Variants in UBXN2A observed in about 807,000 individuals in gnomAD.
UBXN2A encodes the protein UBX domain-containing protein 2A.
In UBXN2A, 28 loss-of-function variants were observed where a neutral mutation model predicts 28.4. The observed-to-expected ratio is 0.99, with a 90% CI of 0.73 to 1.35. The LOEUF (loss-of-function observed/expected upper bound fraction) is 1.35, where lower values mean the gene tolerates loss of function less well. Among genes scored for constraint, UBXN2A ranks in the 40% most tolerant of loss-of-function variants. The pLI is 0.00. For missense variants in UBXN2A, 253 were observed against 297.9 expected, an observed-to-expected ratio of 0.85 and a Z score of 1.11; for synonymous variants, 97 against 103.6, an observed-to-expected ratio of 0.94 and a Z score of 0.39.
At chr2:23,984,303 G>C (rs1708035199) in intron 5 of UBXN2A, among the ~76,000 whole-genome samples, 1 of 152,124 alleles carries the variant, frequency 6.6e-6, no homozygotes, top group East Asian at 1.9e-4. Context: ...ATAACCTAAG[G>C]ACTAAGCTCA....
upstream of UBXN2A, among the ~76,000 whole-genome samples, chr2:23,936,055 T>C (rs1277597461): frequency 1.3e-5 from 2 of 151,702 alleles, no homozygotes; most frequent in East Asian, 3.9e-4. Flanking sequence ...GTCTCAAAAA[T>C]AAATAAATTA....
chr2:23,967,829 A>G (rs750319398), intron 2 of UBXN2A, among the ~76,000 whole-genome samples: 3 of 152,186 alleles, frequency 2.0e-5, no homozygotes, highest in Non-Finnish European at 4.4e-5. Context: ...GAGTATTTTA[A>G]GAGTATATAC....
intron 1 of UBXN2A, among the ~76,000 whole-genome samples, chr2:23,930,722 A>C (rs1489875058): frequency 6.6e-6 from 1 of 152,218 alleles, no homozygotes; most frequent in East Asian, 1.9e-4. Context: ...AATTTTAAAA[A>C]AGAGAAAGAA....
chr2:23,998,823 G>GGGAT (rs1708640596), intron 6 of UBXN2A, among the ~76,000 whole-genome samples: 1 of 151,968 alleles, frequency 6.6e-6, no homozygotes, highest in Non-Finnish European at 1.5e-5. Context: ...TTCGTCTCCC[G>GGGAT]CGATCAACCT....
At chr2:23,948,881 C>T (rs1706222866) in intron 1 of UBXN2A, among the ~76,000 whole-genome samples, 1 of 150,852 alleles carries the variant, frequency 6.6e-6, no homozygotes, top group Admixed American at 6.6e-5. Flanking sequence ...TTGTAATTTC[C>T]TAGAGAACAA....
chr2:23,982,550 C>A (rs1194259159), intron 4 of UBXN2A, among the ~76,000 whole-genome samples: 1 of 151,918 alleles, frequency 6.6e-6, no homozygotes, highest in African/African-American at 2.4e-5. Context: ...AATCCCAGCA[C>A]TTTGGGAGTC....
At chr2:23,976,923 C>T (rs770380483) in intron 3 of UBXN2A, 46 bp from the exon 4 acceptor site, 3 of 1,508,520 alleles carry the variant, frequency 2.0e-6, no homozygotes, top group East Asian at 4.6e-5. Context: ...TTCAATCCTA[C>T]TACATTTTAT....
chr2:23,989,916 A>G (rs535199548), intron 6 of UBXN2A, among the ~76,000 whole-genome samples: 14 of 152,236 alleles, frequency 9.2e-5, no homozygotes, highest in African/African-American at 2.9e-4. Flanking sequence ...AAAAATATCT[A>G]TATAAGGATT....
At chr2:23,953,733 A>G (rs756655452) in intron 1 of UBXN2A, among the ~76,000 whole-genome samples, 6 of 152,178 alleles carry the variant, frequency 3.9e-5, no homozygotes, top group Non-Finnish European at 8.8e-5. Flanking sequence ...CATTTTTCCT[A>G]AAGAATTTCC....
At position 23,977,095 on chromosome 2, in the gene UBXN2A, A is replaced by G. The variant is rs1707699584; in HGVS notation, c.287+20A>G. 4 of 1,596,890 alleles carry G rather than the reference A, an allele frequency of 2.5e-6. No individual in the cohort carries two copies. The East Asian group carries it at 9.0e-5, about 36-fold the overall frequency. ...AAAGGGGTGAGTAGCCAGGTGTGGT[A>G]GGTCAAGCCTGTAAACCCAAAACTT... On this transcript the variant is annotated intron_variant, in intron 4 of 6. Coordinates refer to ENST00000309033, the MANE Select transcript of UBXN2A (RefSeq NM_181713.4).
intron 1 of UBXN2A, among the ~76,000 whole-genome samples, chr2:23,931,273 C>A (rs961978099): frequency 5.9e-5 from 9 of 152,098 alleles, no homozygotes; most frequent in African/African-American, 2.2e-4. Flanking sequence ...ATGACGAAAC[C>A]CCATCTCTAC....
At chr2:23,940,166 G>T (rs1705674965), upstream of UBXN2A, among the ~76,000 whole-genome samples, 1 of 151,722 alleles carries the variant, frequency 6.6e-6, no homozygotes, top group Admixed American at 6.6e-5. Flanking sequence ...TTGTCCACAG[G>T]GCTCAGGTCA....
At chr2:23,950,703 C>CTATTT (rs1706320485) in intron 1 of UBXN2A, among the ~76,000 whole-genome samples, 1 of 151,174 alleles carries the variant, frequency 6.6e-6, no homozygotes, top group African/African-American at 2.4e-5. Flanking sequence ...TGCGCCTGGC[C>CTATTT]TATTTTATTT....
intron 2 of UBXN2A, among the ~76,000 whole-genome samples, chr2:23,965,589 T>G (rs1558292374): frequency 6.6e-6 from 1 of 152,252 alleles, no homozygotes; most frequent in Non-Finnish European, 1.5e-5. Context: ...TGGTGTTTAC[T>G]TTTTTATATA....
intron 5 of UBXN2A, among the ~76,000 whole-genome samples, chr2:23,984,028 A>G (rs1308730205): frequency 3.3e-5 from 5 of 152,158 alleles, no homozygotes; most frequent in Non-Finnish European, 4.4e-5. Flanking sequence ...TCTGTGATCT[A>G]TGTATGAATT....
chr2:23,962,555 G>A (rs575362531), intron 2 of UBXN2A, among the ~76,000 whole-genome samples: 6 of 151,376 alleles, frequency 4.0e-5, no homozygotes, highest in South Asian at 2.1e-4. Context: ...AGACATACCC[G>A]AGACTGGGCA....
chr2:23,970,446 T>C, intron 2 of UBXN2A, among the ~76,000 whole-genome samples: 1 of 152,014 alleles, frequency 6.6e-6, no homozygotes, highest in Non-Finnish European at 1.5e-5. Flanking sequence ...GGGATGTGCA[T>C]CCTACTTGTT....
At position 23,942,579 on chromosome 2, in the gene UBXN2A, C is replaced by G. The variant is rs906493654; in HGVS notation, c.-15+1931C>G. ...GGACTATAATGCGCGCCACCATGCCCGGCTAATTTTTGTATTTTTAGTAGA... is the reference window on the plus strand; with the variant it reads ...GGACTATAATGCGCGCCACCATGCCGGGCTAATTTTTGTATTTTTAGTAGA... On this transcript the variant is annotated intron_variant, in intron 1 of 6. Coordinates refer to ENST00000309033, the MANE Select transcript of UBXN2A (RefSeq NM_181713.4). 2.7e-4 allele frequency among the ~76,000 whole-genome samples: 41 copies of G among 151,708 alleles called. No homozygotes were observed. The East Asian group carries it at 5.5e-3, about 20-fold the overall frequency.
chr2:23,985,580 T>C (rs1464626072), intron 6 of UBXN2A, among the ~76,000 whole-genome samples: 2 of 146,252 alleles, frequency 1.4e-5, no homozygotes, highest in African/African-American at 5.0e-5. Flanking sequence ...AATAGTTCTC[T>C]AAACATAATT....
Sources: allele counts gnomAD v4.1 joint callset (sites outside exome capture counted in the v4.1 genomes callset), GRCh38; gene constraint gnomAD v4.1.1; transcripts MANE v1.5; gene names NCBI Gene and HGNC (gene_info 2026-07-23, HGNC 2026-07-21).